Variants in HPCAL1 observed in about 807,000 individuals in gnomAD.
HPCAL1 encodes the protein hippocalcin like 1.
HPCAL1 carries 8 observed loss-of-function variants against 17.1 expected under a neutral mutation model. That is an observed-to-expected ratio of 0.47 (90% CI 0.27 to 0.84). HPCAL1 has a LOEUF of 0.84. Ranked by LOEUF, HPCAL1 falls within the 40% of genes least tolerant of loss-of-function variation. The pLI is 0.13. For missense variants in HPCAL1, 165 were observed against 271.1 expected, an observed-to-expected ratio of 0.61 and a Z score of 2.75; for synonymous variants, 112 against 111.4, an observed-to-expected ratio of 1.01 and a Z score of -0.03.
At chr2:10,399,208 G>GCACCACCACCAC (rs113515977) in intron 2 of HPCAL1, among the ~76,000 whole-genome samples, 1 of 5,108 alleles carries the variant, frequency 2.0e-4, no homozygotes, top group Non-Finnish European at 4.9e-4. Flanking sequence ...TAATATCACT[G>GCACCACCACCAC]CACCACCACC....
chr2:10,422,987 T>G lies in HPCAL1; in HGVS notation c.383T>G (p.Ile128Ser). ...RSEMLEIVQA[I>S]YKMVSSVMKM... ...TGTCATTGCCCCCATCCGCAGGCCA[T>G]CTACAAGATGGTGTCGTCTGTGATG... Residue 128 changes from isoleucine to serine, a missense_variant, in exon 4 of 5, where the codon ATC becomes AGC. Coordinates refer to ENST00000307845, the MANE Select transcript of HPCAL1 (RefSeq NM_002149.4). 1.9e-6 allele frequency: 3 copies of G among 1,612,054 alleles called. No individual in the cohort carries two copies. Among genetic ancestry groups the G allele is most frequent in the Non-Finnish European group, 2.5e-6 (3 of 1,178,644 alleles).
chr2:10,413,543 G>T (rs547588810), intron 2 of HPCAL1, among the ~76,000 whole-genome samples: 38 of 152,342 alleles, frequency 2.5e-4, no homozygotes, highest in African/African-American at 8.9e-4. Context: ...GCAGGAGGCC[G>T]CAGGCGCACA....
intron 1 of HPCAL1, among the ~76,000 whole-genome samples, chr2:10,321,562 A>G (rs573944828): frequency 6.6e-6 from 1 of 152,288 alleles, no homozygotes; most frequent in South Asian, 2.1e-4. Context: ...AGTAGCTACT[A>G]ATTTCAGAAC....
intron 1 of HPCAL1, among the ~76,000 whole-genome samples, chr2:10,308,870 C>T (rs1199248930): frequency 6.6e-6 from 1 of 152,124 alleles, no homozygotes; most frequent in African/African-American, 2.4e-5. Context: ...AGGCAAATGG[C>T]AAATCAAAAA....
intron 1 of HPCAL1, among the ~76,000 whole-genome samples, chr2:10,349,319 T>C (rs1355224307): frequency 2.0e-5 from 3 of 152,130 alleles, no homozygotes; most frequent in Non-Finnish European, 4.4e-5. Context: ...GCCACTCTTC[T>C]ATTTGAGTGC....
At chr2:10,383,028 G>A (rs1356663952) in intron 1 of HPCAL1, among the ~76,000 whole-genome samples, 1 of 152,224 alleles carries the variant, frequency 6.6e-6, no homozygotes, top group Non-Finnish European at 1.5e-5. Flanking sequence ...CTCTGGGAAT[G>A]AGGCGTGGTT....
At chr2:10,345,654 G>A (rs748459219) in intron 1 of HPCAL1, among the ~76,000 whole-genome samples, 3 of 151,940 alleles carry the variant, frequency 2.0e-5, no homozygotes, top group Non-Finnish European at 4.4e-5. Flanking sequence ...ACAGGGTCTT[G>A]CTATGCTGCC....
chr2:10,397,300 C>T (rs977579298), intron 2 of HPCAL1, among the ~76,000 whole-genome samples: 2 of 152,110 alleles, frequency 1.3e-5, no homozygotes, highest in Non-Finnish European at 2.9e-5. Context: ...TCTTAGTGTC[C>T]GGGTTTCTTT....
At chr2:10,388,343 G>A (rs541797040) in intron 1 of HPCAL1, among the ~76,000 whole-genome samples, 1 of 152,254 alleles carries the variant, frequency 6.6e-6, no homozygotes, top group African/African-American at 2.4e-5. Context: ...AAGGTCAGTG[G>A]CATCTGGGAG....
At chr2:10,312,071 A>G (rs1273685002) in intron 1 of HPCAL1, among the ~76,000 whole-genome samples, 1 of 150,122 alleles carries the variant, frequency 6.7e-6, no homozygotes, top group Admixed American at 6.6e-5. Context: ...CATCCCCACC[A>G]TCACCACCAT....
intron 4 of HPCAL1, 176 bp downstream of exon 4, chr2:10,423,264 G>T: frequency 1.6e-6 from 1 of 622,666 alleles, no homozygotes; most frequent in Non-Finnish European, 3.0e-6. Context: ...AGGGACACCC[G>T]TGCTGTATCC....
intron 1 of HPCAL1, among the ~76,000 whole-genome samples, chr2:10,305,749 G>A (rs771593785): frequency 6.6e-6 from 1 of 152,176 alleles, no homozygotes; most frequent in African/African-American, 2.4e-5. Context: ...ATACAAGAAC[G>A]TGGACACACT....
chr2:10,373,582 G>GT (rs1667362062), intron 1 of HPCAL1, among the ~76,000 whole-genome samples: 1 of 151,862 alleles, frequency 6.6e-6, no homozygotes, highest in Admixed American at 6.6e-5. Context: ...GTTTTTTTTT[G>GT]TTTTTTGTTT....
chr2:10,403,209 C>A (rs1177972341), intron 2 of HPCAL1, among the ~76,000 whole-genome samples: 1 of 152,106 alleles, frequency 6.6e-6, no homozygotes, highest in Non-Finnish European at 1.5e-5. Context: ...GCTTTGGAAG[C>A]CTCCTCTGGG....
chr2:10,339,345 A>T (rs1043757334), intron 1 of HPCAL1, among the ~76,000 whole-genome samples: 1 of 149,546 alleles, frequency 6.7e-6, no homozygotes, highest in Non-Finnish European at 1.5e-5. Context: ...GAGACCTGTC[A>T]CCCAGGCTGG....
intron 1 of HPCAL1, among the ~76,000 whole-genome samples, chr2:10,307,603 G>A (rs752363030): frequency 3.3e-5 from 5 of 152,018 alleles, no homozygotes; most frequent in Non-Finnish European, 4.4e-5. Flanking sequence ...TGGTCAACAC[G>A]TCTCATCTAC....
intron 1 of HPCAL1, among the ~76,000 whole-genome samples, chr2:10,321,333 C>T (rs992286382): frequency 1.3e-5 from 2 of 152,070 alleles, no homozygotes; most frequent in African/African-American, 4.8e-5. Flanking sequence ...CGTCTCCCAC[C>T]AGGCCTCATC....
At chr2:10,369,333 T>C (rs1177641018) in intron 1 of HPCAL1, 1 of 152,244 alleles carries the variant, frequency 6.6e-6, no homozygotes, top group Non-Finnish European at 1.5e-5. Flanking sequence ...TCCACGGCCA[T>C]CATGGCTAGT....
intron 4 of HPCAL1, chr2:10,424,710 G>A (rs1183208394): frequency 2.2e-6 from 1 of 455,818 alleles, no homozygotes; most frequent in East Asian, 7.1e-5. Flanking sequence ...TGTCCCTGGA[G>A]CTTGGGGCAA....
Sources: gnomAD v4.1 joint callset for allele counts (sites outside exome capture counted in the v4.1 genomes callset) on GRCh38, gnomAD v4.1.1 for gene constraint, MANE v1.5 for transcripts, NCBI Gene and HGNC (gene_info 2026-07-23, HGNC 2026-07-21) for gene names.